The following PPM1E variants were observed in gnomAD, a reference collection of about 807,000 sequenced individuals.
PPM1E encodes the protein protein phosphatase 1E.
PPM1E carries 20 observed loss-of-function variants against 65.9 expected under a neutral mutation model. The observed-to-expected ratio is 0.30, with a 90% CI of 0.21 to 0.44. The LOEUF is 0.44. Among genes scored for constraint, PPM1E ranks in the 20% least tolerant of loss-of-function variants. The pLI, the probability that PPM1E is intolerant of heterozygous loss-of-function variation, is 1.00. For missense variants in PPM1E, 713 were observed against 953.1 expected, an observed-to-expected ratio of 0.75 and a Z score of 3.32; for synonymous variants, 352 against 374.9, an observed-to-expected ratio of 0.94 and a Z score of 0.70.
At chr17:58,867,208 G>C (rs2051015547) in intron 1 of PPM1E, among the ~76,000 whole-genome samples, 1 of 152,192 alleles carries the variant, frequency 6.6e-6, no homozygotes. Flanking sequence ...TCGAACTCCT[G>C]ACCTCATGAT....
chr17:58,892,840 T>C (rs2051364897), intron 1 of PPM1E, among the ~76,000 whole-genome samples: 1 of 152,172 alleles, frequency 6.6e-6, no homozygotes, highest in Non-Finnish European at 1.5e-5. Context: ...AATTTTTATA[T>C]GGCAAATAAA....
chr17:58,906,784 T>A (rs888121140), intron 1 of PPM1E, among the ~76,000 whole-genome samples: 12 of 152,114 alleles, frequency 7.9e-5, no homozygotes, highest in African/African-American at 2.4e-4. Flanking sequence ...TTATTTTAAA[T>A]TTTTTTTCTA....
intron 1 of PPM1E, among the ~76,000 whole-genome samples, chr17:58,901,086 T>TC (rs1878899045): frequency 6.6e-6 from 1 of 152,166 alleles, no homozygotes; most frequent in African/African-American, 2.4e-5. Flanking sequence ...TACCACCACA[T>TC]CATGCCACAG....
chr17:58,943,700 T>C (rs1027665335), intron 1 of PPM1E, among the ~76,000 whole-genome samples: 13 of 152,186 alleles, frequency 8.5e-5, no homozygotes, highest in Non-Finnish European at 1.5e-5. Flanking sequence ...ATCAGGCTTA[T>C]TGAGTCAGAA....
At chr17:58,850,030 G>C (rs544721514) in intron 1 of PPM1E, among the ~76,000 whole-genome samples, 1 of 152,074 alleles carries the variant, frequency 6.6e-6, no homozygotes, top group Non-Finnish European at 1.5e-5. Flanking sequence ...TTACCATTAT[G>C]TAATGGCCTT....
At chr17:58,777,508 T>A (rs1306953100) in intron 1 of PPM1E, among the ~76,000 whole-genome samples, 1 of 152,196 alleles carries the variant, frequency 6.6e-6, no homozygotes, top group Non-Finnish European at 1.5e-5. Flanking sequence ...TTTCTAAATA[T>A]GACACCAGTA....
chr17:58,900,876 A>G (rs571357841), intron 1 of PPM1E, among the ~76,000 whole-genome samples: 3 of 152,300 alleles, frequency 2.0e-5, no homozygotes, highest in African/African-American at 4.8e-5. Context: ...ACTTTATTCT[A>G]TAGGGTATAC....
At chr17:58,975,609 G>C (rs1480449900) in intron 6 of PPM1E, among the ~76,000 whole-genome samples, 3 of 152,184 alleles carry the variant, frequency 2.0e-5, no homozygotes, top group Admixed American at 6.5e-5. Flanking sequence ...TAAATACACA[G>C]GGGTTTGAAA....
rs745312994 is a variant in PPM1E, at chr17:58,969,330, T to G, written c.784-209T>G. ...GCTAATTGGGCATGACATGTTCCAG[T>G]GTTCTGGTGTGTAAACACAGATACC... On this transcript the variant is annotated intron_variant, in intron 3 of 6. Transcript: ENST00000308249. 4 of 665,678 alleles carry G rather than the reference T, an allele frequency of 6.0e-6. No individual in the cohort carries two copies. The African/African-American group carries it at 7.1e-5, about 12-fold the overall frequency. 41.2% of individuals were successfully genotyped at this position (665,678 alleles called of 1,614,324 possible).
At chr17:58,793,936 T>G (rs1598574994) in intron 1 of PPM1E, among the ~76,000 whole-genome samples, 1 of 151,874 alleles carries the variant, frequency 6.6e-6, no homozygotes, top group Non-Finnish European at 1.5e-5. Flanking sequence ...CTCTGTCTCC[T>G]GGGTTCAAAC....
chr17:58,830,292 G>GTTATTATTA (rs376605107), intron 1 of PPM1E, among the ~76,000 whole-genome samples: 2,510 of 146,798 alleles, frequency 0.017, 29 homozygotes, highest in East Asian at 0.027. Flanking sequence ...TGTTGTTGTT[G>GTTATTATTA]TTATTATTAT....
chr17:58,842,472 G>T (rs1033529392), intron 1 of PPM1E, among the ~76,000 whole-genome samples: 2 of 152,160 alleles, frequency 1.3e-5, no homozygotes, highest in African/African-American at 4.8e-5. Flanking sequence ...TATGTTGGGG[G>T]GTATATGAAA....
intron 1 of PPM1E, among the ~76,000 whole-genome samples, chr17:58,943,993 A>T (rs1293880872): frequency 1.3e-5 from 2 of 152,208 alleles, no homozygotes; most frequent in Non-Finnish European, 2.9e-5. Context: ...ACATACCTGC[A>T]TCTGTACTGA....
chr17:58,899,596 T>A, intron 1 of PPM1E: 1 of 221,380 alleles, frequency 4.5e-6, no homozygotes, highest in South Asian at 7.6e-5. Flanking sequence ...GAAAACCCTG[T>A]AAAGTGGTTG....
intron 1 of PPM1E, among the ~76,000 whole-genome samples, chr17:58,868,551 T>G (rs1328998345): frequency 6.8e-6 from 1 of 146,924 alleles, no homozygotes; most frequent in African/African-American, 2.5e-5. Context: ...TCTACAATCC[T>G]TTTTGAAATG....
chr17:58,882,861 A>G (rs955885790), intron 1 of PPM1E, among the ~76,000 whole-genome samples: 53 of 135,654 alleles, frequency 3.9e-4, no homozygotes, highest in African/African-American at 1.4e-3. Context: ...CTCCTCTCCT[A>G]TTTTTTCTGT....
At chr17:58,887,675 G>A (rs2051292465) in intron 1 of PPM1E, among the ~76,000 whole-genome samples, 1 of 152,182 alleles carries the variant, frequency 6.6e-6, no homozygotes, top group African/African-American at 2.4e-5. Context: ...AAATCAGAGA[G>A]CTGGCAGTGT....
rs531897471 is a variant in PPM1E at position 58,808,363 on chromosome 17, A to T, written c.464+51902A>T. Reference sequence around the variant, plus strand: ...TCTTGTTGGGATTGTTATTGAAATTATATTGAATTACTTTGAATTGATAGG... The same window carrying T: ...TCTTGTTGGGATTGTTATTGAAATTTTATTGAATTACTTTGAATTGATAGG... On this transcript the variant is annotated intron_variant, in intron 1 of 6. Coordinates refer to ENST00000308249, the MANE Select transcript of PPM1E (RefSeq NM_014906.5). 2.6e-5 allele frequency among the ~76,000 whole-genome samples: 4 copies of T among 152,278 alleles called. No individual in the cohort carries two copies. The South Asian group carries it at 6.2e-4, about 24-fold the overall frequency.
intron 1 of PPM1E, among the ~76,000 whole-genome samples, chr17:58,874,150 T>G (rs1248049917): frequency 6.6e-6 from 1 of 152,144 alleles, no homozygotes; most frequent in Non-Finnish European, 1.5e-5. Context: ...CAGAGCATCT[T>G]AGGGAATTAA....
Sources: gnomAD v4.1 joint callset for allele counts (sites outside exome capture counted in the v4.1 genomes callset) on GRCh38, gnomAD v4.1.1 for gene constraint, MANE v1.5 for transcripts, NCBI Gene and HGNC (gene_info 2026-07-23, HGNC 2026-07-21) for gene names.